Variants in GMDS observed in about 807,000 individuals in gnomAD.
GMDS encodes the protein GDP-mannose 4,6-dehydratase.
GMDS carries 20 observed loss-of-function variants against 49.9 expected under a neutral mutation model. The ratio of observed to expected loss-of-function variants is 0.40; its 90% confidence interval spans 0.28 to 0.58. The LOEUF (loss-of-function observed/expected upper bound fraction) is 0.58. Ranked by LOEUF, GMDS falls within the 20% of genes least tolerant of loss-of-function variation. The probability of loss-of-function intolerance (pLI) is 0.42; values close to 1 mark genes in which losing one functional copy is unlikely to be tolerated. For synonymous variants in GMDS, 177 were observed against 178.6 expected (o/e 0.99, Z 0.07); for missense variants, 362 against 481.4 (o/e 0.75, Z 2.32).
At chr6:1,826,230 G>C (rs762567581) in intron 7 of GMDS, among the ~76,000 whole-genome samples, 7 of 152,098 alleles carry the variant, frequency 4.6e-5, no homozygotes, top group Non-Finnish European at 1.0e-4. Flanking sequence ...ATGATGTTTG[G>C]ATGGCTACCA....
At chr6:1,989,198 C>T (rs553057744) in intron 4 of GMDS, among the ~76,000 whole-genome samples, 1 of 152,280 alleles carries the variant, frequency 6.6e-6, no homozygotes, top group African/African-American at 2.4e-5. Flanking sequence ...CTTTCCAAGA[C>T]ATTTAAGGCC....
chr6:1,628,532 C>T (rs1253900777), intron 9 of GMDS, among the ~76,000 whole-genome samples: 1 of 152,166 alleles, frequency 6.6e-6, no homozygotes, highest in African/African-American at 2.4e-5. Flanking sequence ...CATTTTCTCC[C>T]CTTTTCACTG....
At chr6:1,660,032 C>A (rs1191417086) in intron 9 of GMDS, among the ~76,000 whole-genome samples, 1 of 152,108 alleles carries the variant, frequency 6.6e-6, no homozygotes, top group Non-Finnish European at 1.5e-5. Context: ...AGACACCCTG[C>A]ATGCGTCACG....
intron 1 of GMDS, among the ~76,000 whole-genome samples, chr6:2,184,567 A>T (rs901721568): frequency 6.6e-6 from 1 of 152,188 alleles, no homozygotes; most frequent in Admixed American, 6.5e-5. Context: ...CAGCTCAGAG[A>T]GGCTGCCCGG....
intron 7 of GMDS, among the ~76,000 whole-genome samples, chr6:1,869,579 G>C (rs1239550581): frequency 2.0e-5 from 3 of 152,190 alleles, no homozygotes; most frequent in Admixed American, 1.3e-4. Context: ...AAGAACCACA[G>C]CCTTCAGATA....
intron 1 of GMDS, among the ~76,000 whole-genome samples, chr6:2,199,070 A>G (rs775116884): frequency 6.6e-6 from 1 of 152,236 alleles, no homozygotes; most frequent in Non-Finnish European, 1.5e-5. Flanking sequence ...CTATCCTAAA[A>G]TATTTCAAAA....
At chr6:2,003,972 TATC>T (rs572544680) in intron 4 of GMDS, among the ~76,000 whole-genome samples, 1 of 152,234 alleles carries the variant, frequency 6.6e-6, no homozygotes, top group Non-Finnish European at 1.5e-5. Flanking sequence ...TTAAGATTGA[TATC>T]ATGTTCACAT....
At chr6:1,642,179 A>G (rs1334320890) in intron 9 of GMDS, among the ~76,000 whole-genome samples, 1 of 114,188 alleles carries the variant, frequency 8.8e-6, no homozygotes, top group Non-Finnish European at 1.8e-5. Context: ...TTTTTTTTTT[A>G]AGAAAAAAAT....
At chr6:2,007,857 T>C (rs1474113051) in intron 4 of GMDS, among the ~76,000 whole-genome samples, 1 of 152,234 alleles carries the variant, frequency 6.6e-6, no homozygotes, top group African/African-American at 2.4e-5. Flanking sequence ...GTTCAAATAA[T>C]AGAAGGATTC....
chr6:2,007,771 A>C (rs1340468464), intron 4 of GMDS, among the ~76,000 whole-genome samples: 1 of 152,168 alleles, frequency 6.6e-6, no homozygotes, highest in Non-Finnish European at 1.5e-5. Flanking sequence ...GGGCTTTTGC[A>C]CTGTTGAAAA....
chr6:2,016,162 G>A (rs183528626), intron 4 of GMDS, among the ~76,000 whole-genome samples: 1 of 151,668 alleles, frequency 6.6e-6, no homozygotes, highest in East Asian at 1.9e-4. Context: ...GGGAGGCTGA[G>A]GTGGAAGGAC....
intron 7 of GMDS, among the ~76,000 whole-genome samples, chr6:1,798,602 C>T (rs953937452): frequency 6.6e-5 from 10 of 152,094 alleles, no homozygotes; most frequent in African/African-American, 2.2e-4. Flanking sequence ...TGTAATTCTG[C>T]CTAAAGCCAG....
chr6:2,191,477 G>C lies in GMDS; in HGVS notation c.102+53844C>G, dbSNP rs1779015103. Among the ~76,000 whole-genome samples, 1 of 152,200 alleles carries C rather than the reference G, an allele frequency of 6.6e-6. No homozygotes were observed. The highest frequency in any genetic ancestry group is 1.5e-5 in the Non-Finnish European group (1 of 68,034). ...CAGACACATCTGCAGCCGCCCAGGTGGGGCTGTGGACCCGGGCCTCTCTGC... is the reference window on the plus strand; with the variant it reads ...CAGACACATCTGCAGCCGCCCAGGTCGGGCTGTGGACCCGGGCCTCTCTGC... On this transcript the variant is annotated intron_variant, in intron 1 of 10. Transcript: ENST00000380815. This position sits in a 1 kb window ranked among gnomAD's most constrained non-coding sequence, Gnocchi z 4.6.
intron 4 of GMDS, among the ~76,000 whole-genome samples, chr6:2,060,716 G>A (rs962755900): frequency 3.9e-5 from 6 of 152,190 alleles, no homozygotes; most frequent in East Asian, 1.9e-4. Flanking sequence ...GAGGGAACAC[G>A]TCACTGAGAG....
intron 7 of GMDS, among the ~76,000 whole-genome samples, chr6:1,899,490 A>G (rs1760387460): frequency 6.6e-6 from 1 of 152,250 alleles, no homozygotes; most frequent in African/African-American, 2.4e-5. Flanking sequence ...TTTAAGGAGT[A>G]GACTCCGTTC....
chr6:1,819,774 A>ATATATAT (rs1554123170), intron 7 of GMDS, among the ~76,000 whole-genome samples: 86 of 123,768 alleles, frequency 6.9e-4, no homozygotes, highest in African/African-American at 2.5e-3. Flanking sequence ...AAAAAAAAAA[A>ATATATAT]AAATATATAT....
chr6:2,029,214 CTGTGTCTGTG>C (rs1218475136), intron 4 of GMDS, among the ~76,000 whole-genome samples: 1 of 152,020 alleles, frequency 6.6e-6, no homozygotes, highest in African/African-American at 2.4e-5. Flanking sequence ...CCATCTCTGC[CTGTGTCTGTG>C]TGTGTCTGTC....
chr6:2,215,876 T>A (rs920827559), intron 1 of GMDS, among the ~76,000 whole-genome samples: 10 of 152,124 alleles, frequency 6.6e-5, no homozygotes, highest in Admixed American at 5.2e-4. Context: ...ACAATAAAGG[T>A]TGTGTAGTTA....
At chr6:2,207,667 T>C (rs985246117) in intron 1 of GMDS, among the ~76,000 whole-genome samples, 2 of 151,994 alleles carry the variant, frequency 1.3e-5, no homozygotes, top group African/African-American at 2.4e-5. Context: ...TCAGTAAATA[T>C]TTGTTGAAGG....
Sources: gnomAD v4.1 joint callset for allele counts (sites outside exome capture counted in the v4.1 genomes callset) on GRCh38, gnomAD v4.1.1 for gene constraint, Gnocchi (gnomAD v3.1) non-coding constraint, MANE v1.5 for transcripts, NCBI Gene and HGNC (gene_info 2026-07-23, HGNC 2026-07-21) for gene names.